Variants in AP3B1 observed in about 807,000 individuals in gnomAD.
The protein encoded by AP3B1 is adaptor related protein complex 3 subunit beta 1.
AP3B1 carries 61 observed loss-of-function variants against 132.5 expected under a neutral mutation model. That is an observed-to-expected ratio of 0.46 (90% CI 0.37 to 0.57). The LOEUF is 0.57. Among genes scored for constraint, AP3B1 ranks in the 20% least tolerant of loss-of-function variants. The probability of loss-of-function intolerance (pLI) is 0.00; values close to 1 mark genes in which losing one functional copy is unlikely to be tolerated. For synonymous variants in AP3B1, 388 were observed against 438.3 expected (o/e 0.89, Z 1.43); for missense variants, 1,120 against 1,289.4 (o/e 0.87, Z 2.01).
At chr5:78,254,152 A>G (rs989471392) in intron 2 of AP3B1, among the ~76,000 whole-genome samples, 2 of 152,008 alleles carry the variant, frequency 1.3e-5, no homozygotes, top group Admixed American at 1.3e-4. Flanking sequence ...TTGGAAATAC[A>G]CGGTCAGAGG....
chr5:78,051,421 CTTT>C (rs11369898), intron 22 of AP3B1, among the ~76,000 whole-genome samples: 1 of 151,738 alleles, frequency 6.6e-6, no homozygotes, highest in African/African-American at 2.4e-5. Context: ...AGCATGTCTG[CTTT>C]TTTTTGAGAT....
intron 23 of AP3B1, among the ~76,000 whole-genome samples, chr5:78,037,685 A>G (rs1747863730): frequency 6.6e-6 from 1 of 152,254 alleles, no homozygotes; most frequent in South Asian, 2.1e-4. Flanking sequence ...AACAATGAGT[A>G]AAGAAGGTAC....
intron 24 of AP3B1, among the ~76,000 whole-genome samples, chr5:78,026,375 A>G (rs1240672529): frequency 6.6e-6 from 1 of 152,202 alleles, no homozygotes; most frequent in East Asian, 1.9e-4. Context: ...GGATTCCTTT[A>G]TAGGATCCAA....
chr5:78,243,758 A>T (rs1747248578), intron 2 of AP3B1, among the ~76,000 whole-genome samples: 1 of 151,582 alleles, frequency 6.6e-6, no homozygotes. Flanking sequence ...GGCATGTGCC[A>T]GGAATAGGAG....
intron 1 of AP3B1, among the ~76,000 whole-genome samples, chr5:78,286,203 C>T (rs1262289700): frequency 6.6e-6 from 1 of 152,148 alleles, no homozygotes; most frequent in African/African-American, 2.4e-5. Flanking sequence ...TGCAGAAAAC[C>T]CATTCCAAGA....
At chr5:78,236,490 G>A (rs1746885673) in intron 3 of AP3B1, among the ~76,000 whole-genome samples, 1 of 152,226 alleles carries the variant, frequency 6.6e-6, no homozygotes, top group Non-Finnish European at 1.5e-5. Flanking sequence ...AATGGGCTAA[G>A]ATGGGTTCTG....
At chr5:78,227,313 G>A (rs1746436853) in intron 5 of AP3B1, 59 bp downstream of exon 5, 1 of 1,543,720 alleles carries the variant, frequency 6.5e-7, no homozygotes, top group South Asian at 1.1e-5. Flanking sequence ...AGCCTCTGTG[G>A]TCTATAACAT....
At chr5:78,283,336 C>T (rs866719173) in intron 1 of AP3B1, among the ~76,000 whole-genome samples, 2 of 152,190 alleles carry the variant, frequency 1.3e-5, no homozygotes, top group Non-Finnish European at 1.5e-5. Flanking sequence ...AACCATTTAT[C>T]GGCTGTCTTC....
At chr5:78,240,235 G>T (rs1747067234) in intron 3 of AP3B1, among the ~76,000 whole-genome samples, 1 of 152,202 alleles carries the variant, frequency 6.6e-6, no homozygotes, top group African/African-American at 2.4e-5. Flanking sequence ...GTGAGGGAAA[G>T]GCTTTAAAGC....
intron 23 of AP3B1, among the ~76,000 whole-genome samples, chr5:78,038,039 T>C (rs1013748962): frequency 6.6e-6 from 1 of 152,164 alleles, no homozygotes; most frequent in Non-Finnish European, 1.5e-5. Flanking sequence ...GACACTTTGT[T>C]GGAGAGACAA....
intron 2 of AP3B1, among the ~76,000 whole-genome samples, chr5:78,263,269 T>A (rs557320064): frequency 6.6e-6 from 1 of 152,310 alleles, no homozygotes; most frequent in East Asian, 1.9e-4. Context: ...TTGATGCTAT[T>A]ATAAATGAAT....
Position 78,216,199 on chromosome 5 carries a change from T to C in AP3B1, c.642A>G (p.Val214=), listed in dbSNP as rs768135979. The change falls in exon 7 of 27, where the codon GTA becomes GTG. Residue 214 remains valine, a synonymous_variant. Coordinates refer to ENST00000255194, the MANE Select transcript of AP3B1 (RefSeq NM_003664.5). ...AGSVVMAFEE[V]CPDRIDLIHK... ...GAATCAGATCTATTCTGTCCGGGCATACTTCTTCAAAAGCCATCACAACAC... is the reference window on the plus strand; with the variant it reads ...GAATCAGATCTATTCTGTCCGGGCACACTTCTTCAAAAGCCATCACAACAC... 3 of 1,613,950 alleles carry C rather than the reference T, an allele frequency of 1.9e-6. No individual in the cohort carries two copies. The highest frequency in any genetic ancestry group is 2.2e-5 in the South Asian group (2 of 91,064).
At chr5:78,242,307 T>C (rs1468615789) in intron 2 of AP3B1, among the ~76,000 whole-genome samples, 1 of 152,086 alleles carries the variant, frequency 6.6e-6, no homozygotes, top group East Asian at 1.9e-4. Flanking sequence ...CTTTCTAAGT[T>C]CTCCCCTTCT....
At position 78,261,115 on chromosome 5, in the gene AP3B1, C is replaced by A. The variant is rs570290813; in HGVS notation, c.204+6405G>T. Among the ~76,000 whole-genome samples, 3 of 152,288 alleles carry A rather than the reference C, an allele frequency of 2.0e-5. No homozygotes were observed. In the South Asian group the frequency reaches 6.2e-4, roughly 32 times the overall value. Reference sequence around the variant, plus strand: ...TCAAGTATCTCCTTTCAACTGTTGTCTGTATATACCCAAAAGGAGAATGGT... The same window carrying A: ...TCAAGTATCTCCTTTCAACTGTTGTATGTATATACCCAAAAGGAGAATGGT... On this transcript the variant is annotated intron_variant, in intron 2 of 26. Transcript: ENST00000255194.
intron 26 of AP3B1, among the ~76,000 whole-genome samples, chr5:78,015,073 T>C (rs1222231426): frequency 2.0e-5 from 3 of 152,190 alleles, no homozygotes; most frequent in East Asian, 3.8e-4. Flanking sequence ...ATAGAATAGT[T>C]CTTCCTGGAC....
intron 17 of AP3B1, among the ~76,000 whole-genome samples, chr5:78,118,640 T>C (rs1163526393): frequency 2.0e-5 from 3 of 152,194 alleles, no homozygotes; most frequent in Non-Finnish European, 4.4e-5. Flanking sequence ...GCGCCTGCCA[T>C]TGCCCAGGCT....
At chr5:78,055,072 C>T (rs543471992) in intron 22 of AP3B1, among the ~76,000 whole-genome samples, 2 of 150,856 alleles carry the variant, frequency 1.3e-5, no homozygotes, top group South Asian at 2.1e-4. Flanking sequence ...CTTATATAAA[C>T]ATTATTCCCC....
intron 1 of AP3B1, among the ~76,000 whole-genome samples, chr5:78,273,668 A>C (rs567310866): frequency 6.6e-6 from 1 of 152,276 alleles, no homozygotes; most frequent in Admixed American, 6.5e-5. Flanking sequence ...CACAACAAAA[A>C]ACAGCAGCTG....
intron 2 of AP3B1, among the ~76,000 whole-genome samples, chr5:78,253,207 C>G (rs1747712575): frequency 6.6e-6 from 1 of 152,226 alleles, no homozygotes; most frequent in Non-Finnish European, 1.5e-5. Context: ...TAGCTTAGAT[C>G]ACAACACCCA....
Sources: allele counts gnomAD v4.1 joint callset (sites outside exome capture counted in the v4.1 genomes callset), GRCh38; gene constraint gnomAD v4.1.1; transcripts MANE v1.5; gene names NCBI Gene and HGNC (gene_info 2026-07-23, HGNC 2026-07-21).